The following ZRANB3 variants were observed in gnomAD, a reference collection of about 807,000 sequenced individuals.
ZRANB3 encodes the protein DNA annealing helicase and endonuclease ZRANB3.
A neutral mutation model predicts 133.8 loss-of-function variants in ZRANB3; 125 were observed. The observed-to-expected ratio is 0.93, with a 90% CI of 0.81 to 1.08. The LOEUF (loss-of-function observed/expected upper bound fraction) is 1.08. Ranked by LOEUF, ZRANB3 falls within the 50% of genes least tolerant of loss-of-function variation. The probability of loss-of-function intolerance (pLI) is 0.00; values close to 1 mark genes in which losing one functional copy is unlikely to be tolerated. For synonymous variants in ZRANB3, 387 were observed against 432.7 expected, an observed-to-expected ratio of 0.89 and a Z score of 1.31; for missense variants, 1,229 against 1,275.5, an observed-to-expected ratio of 0.96 and a Z score of 0.56.
At chr2:135,439,142 T>A (rs1559000025) in intron 2 of ZRANB3, among the ~76,000 whole-genome samples, 1 of 152,162 alleles carries the variant, frequency 6.6e-6, no homozygotes, top group African/African-American at 2.4e-5. Context: ...AAATGACAGG[T>A]TCCAAGGACT....
At chr2:135,512,084 A>C in intron 1 of ZRANB3, 1 of 418,278 alleles carries the variant, frequency 2.4e-6, no homozygotes, top group Non-Finnish European at 4.4e-6. Context: ...CCAGCAATAC[A>C]TAATTTTTAA....
intron 3 of ZRANB3, among the ~76,000 whole-genome samples, chr2:135,370,411 A>G (rs1414874493): frequency 1.3e-5 from 2 of 152,022 alleles, no homozygotes; most frequent in Non-Finnish European, 2.9e-5. Flanking sequence ...CTCAGTTATG[A>G]GTGAGAACAT....
chr2:135,276,350 G>A (rs1163088660), intron 8 of ZRANB3, among the ~76,000 whole-genome samples: 1 of 151,856 alleles, frequency 6.6e-6, no homozygotes, highest in East Asian at 1.9e-4. Context: ...CTCTGGGATG[G>A]AGAAGGTTCC....
chr2:135,249,410 T>C (rs1043194067), intron 12 of ZRANB3, among the ~76,000 whole-genome samples: 3 of 152,232 alleles, frequency 2.0e-5, no homozygotes, highest in African/African-American at 7.2e-5. Flanking sequence ...GAATACCATT[T>C]AGCCATAAAA....
intron 17 of ZRANB3, among the ~76,000 whole-genome samples, chr2:135,211,373 T>C (rs1230148482): frequency 6.6e-6 from 1 of 152,110 alleles, no homozygotes. Flanking sequence ...AAACCCTGTC[T>C]CTACTAAAAA....
chr2:135,271,295 A>G (rs1258592397), intron 10 of ZRANB3: 1 of 471,096 alleles, frequency 2.1e-6, no homozygotes, highest in Non-Finnish European at 4.4e-6. Flanking sequence ...ATTTCTGTTT[A>G]CTTGCCTTCA....
At chr2:135,234,578 T>C (rs1290963908) in intron 12 of ZRANB3, among the ~76,000 whole-genome samples, 1 of 152,156 alleles carries the variant, frequency 6.6e-6, no homozygotes, top group African/African-American at 2.4e-5. Context: ...ACAGAAATTA[T>C]AACAAACTGT....
intron 2 of ZRANB3, among the ~76,000 whole-genome samples, chr2:135,483,506 C>CT (rs928084417): frequency 7.2e-5 from 11 of 151,902 alleles, no homozygotes; most frequent in Non-Finnish European, 1.5e-4. Flanking sequence ...ATTCTTCTCT[C>CT]TTTTTTTATT....
chr2:135,523,990 A>G (rs1006506059), intron 1 of ZRANB3, among the ~76,000 whole-genome samples: 4 of 152,232 alleles, frequency 2.6e-5, no homozygotes, highest in Admixed American at 2.0e-4. Context: ...TTCTCCTGGA[A>G]GCCACCTACA....
chr2:135,412,667 A>C lies in ZRANB3; in HGVS notation c.162-21847T>G, dbSNP rs546129476. 7.2e-5 allele frequency among the ~76,000 whole-genome samples: 11 copies of C among 152,168 alleles called. No homozygotes were observed. The South Asian group carries it at 2.1e-3, about 29-fold the overall frequency. ...GTGAAATAATGGCTCAGTGGGAATT[A>C]TTATACATCCTGAAAATAATAAATT... On this transcript the variant is annotated intron_variant, in intron 2 of 20. Transcript: ENST00000264159.
At chr2:135,305,949 T>G (rs927446556) in intron 8 of ZRANB3, among the ~76,000 whole-genome samples, 1 of 152,212 alleles carries the variant, frequency 6.6e-6, no homozygotes, top group African/African-American at 2.4e-5. Context: ...TTGAGAAATC[T>G]GCTTTTACTC....
At chr2:135,274,125 C>A (rs572110620) in intron 9 of ZRANB3, among the ~76,000 whole-genome samples, 40 of 152,258 alleles carry the variant, frequency 2.6e-4, no homozygotes, top group Admixed American at 4.6e-4. Flanking sequence ...ATGAAGGAAA[C>A]ACTAGAAGTA....
chr2:135,468,614 T>C (rs942839709), intron 2 of ZRANB3, among the ~76,000 whole-genome samples: 3 of 152,236 alleles, frequency 2.0e-5, no homozygotes, highest in African/African-American at 7.2e-5. Flanking sequence ...TGGACATTTA[T>C]TTGAACTGCC....
intron 11 of ZRANB3, among the ~76,000 whole-genome samples, chr2:135,268,247 C>T (rs1412287586): frequency 1.3e-5 from 2 of 152,130 alleles, no homozygotes; most frequent in Non-Finnish European, 2.9e-5. Flanking sequence ...TCACTGCAAC[C>T]TCCACCTCCT....
intron 2 of ZRANB3, among the ~76,000 whole-genome samples, chr2:135,496,408 A>C (rs961324886): frequency 1.3e-5 from 2 of 148,344 alleles, no homozygotes; most frequent in Non-Finnish European, 3.0e-5. Flanking sequence ...AAAAAAAAAA[A>C]AAAACGAAAT....
chr2:135,345,655 T>A lies in ZRANB3; in HGVS notation c.592-20A>T. 6.8e-7 allele frequency: 1 copy of A among 1,474,942 alleles called. No individual in the cohort carries two copies. Among genetic ancestry groups the A allele is most frequent in the Non-Finnish European group, 9.4e-7 (1 of 1,067,688 alleles). 91.4% of individuals were successfully genotyped at this position (1,474,942 alleles called of 1,614,324 possible). A position where few individuals can be genotyped will look rare whatever the true frequency, so the allele number is the denominator to read the frequency against. ...AAAAAGCTATAATAATACAAGTGTT[T>A]GTAGTATGTTGTAATATTTTCAAGT... On this transcript the variant is annotated intron_variant, in intron 5 of 20. Transcript: ENST00000264159.
At position 135,474,151 on chromosome 2, in the gene ZRANB3, C is replaced by T. The variant is rs367849852; in HGVS notation, c.161+30178G>A. ...GGTTGCAGTGAACCATGATAGCACC[C>T]CTGCACTCTGGCCTGGGAGACAGAT... is the stretch of plus-strand genomic sequence containing the variant. On this transcript the variant is annotated intron_variant, in intron 2 of 20. Transcript: ENST00000264159. Among the ~76,000 whole-genome samples the T allele has an allele frequency of 1.1e-4, 16 of 152,080 alleles. No homozygotes were observed. The East Asian group carries it at 1.2e-3, about 11-fold the overall frequency.
intron 15 of ZRANB3, among the ~76,000 whole-genome samples, chr2:135,224,169 A>G (rs1462552666): frequency 6.6e-6 from 1 of 152,222 alleles, no homozygotes; most frequent in Non-Finnish European, 1.5e-5. Flanking sequence ...TGATGCACTG[A>G]GCAGTTGAGT....
At chr2:135,493,170 T>A (rs1204929112) in intron 2 of ZRANB3, among the ~76,000 whole-genome samples, 2 of 53,374 alleles carry the variant, frequency 3.7e-5, no homozygotes, top group African/African-American at 6.8e-5. Context: ...TATATATATA[T>A]ATAAATAGAA....
Sources: allele counts gnomAD v4.1 joint callset (sites outside exome capture counted in the v4.1 genomes callset), GRCh38; gene constraint gnomAD v4.1.1; transcripts MANE v1.5; gene names NCBI Gene and HGNC (gene_info 2026-07-23, HGNC 2026-07-21).